Variants in LHX9 observed in about 807,000 individuals in gnomAD.
LHX9 encodes LIM homeobox 9.
In LHX9, 9 loss-of-function variants were observed where a neutral mutation model predicts 36.5. The observed-to-expected ratio is 0.25, with a 90% CI of 0.15 to 0.43. The LOEUF (loss-of-function observed/expected upper bound fraction) is 0.43, where lower values mean the gene tolerates loss of function less well. Among genes scored for constraint, LHX9 ranks in the 20% least tolerant of loss-of-function variants. LHX9 has a pLI of 1.00. For missense variants in LHX9, 464 were observed against 526.4 expected, an observed-to-expected ratio of 0.88 and a Z score of 1.16; for synonymous variants, 211 against 212.1, an observed-to-expected ratio of 0.99 and a Z score of 0.04.
chr1:197,917,962 C>G lies in LHX9; in HGVS notation c.139C>G (p.Leu47Val). The change falls in exon 1 of 5, where the codon CTG becomes GTG. Residue 47 changes from leucine (L) to valine (V), a missense_variant. Physicochemically the swap from Leu to Val is conservative, Grantham distance 32. This residue lies in a region of LHX9 where 119 missense variants were observed against 102.4 expected (regional missense o/e 1.16). Coordinates refer to ENST00000367387, the MANE Select transcript of LHX9 (RefSeq NM_020204.3). ...MERRSKTEAR[L>V]AKGAQLNGRD... ...GCGCAGATCCAAGACTGAGGCCCGT[C>G]TGGCCAAAGGCGCCCAGCTCAACGG... 1 of 1,614,074 alleles carries G rather than the reference C, an allele frequency of 6.2e-7. No individual in the cohort carries two copies. Among genetic ancestry groups the G allele is most frequent in the South Asian group, 1.1e-5 (1 of 91,066 alleles).
chr1:197,917,039 C>T (rs1659779422), upstream of LHX9, among the ~76,000 whole-genome samples: 1 of 151,930 alleles, frequency 6.6e-6, no homozygotes, highest in African/African-American at 2.4e-5. Flanking sequence ...GCGGGGACAA[C>T]AAGAGCTCCT....
upstream of LHX9, chr1:197,912,874 G>C: frequency 2.4e-6 from 1 of 425,300 alleles, no homozygotes. Context: ...CTCCAGGGAC[G>C]CGCTCCTGAC....
At chr1:197,912,633 G>A (rs1483927471), upstream of LHX9, 6 of 1,424,912 alleles carry the variant, frequency 4.2e-6, no homozygotes, top group African/African-American at 8.4e-5. Context: ...GAGTGTGTGT[G>A]CGTGTGTGTG....
chr1:197,925,520 C>T (rs1660117595), intron 3 of LHX9, among the ~76,000 whole-genome samples: 1 of 32,850 alleles, frequency 3.0e-5, no homozygotes, highest in African/African-American at 6.2e-5. Context: ...TAACATGTGC[C>T]CCTTTGACTA....
Position 197,930,115 on chromosome 1 carries a change from T to C in LHX9, c.*856T>C, listed in dbSNP as rs557483717. The C allele has an allele frequency of 5.5e-6, 5 of 908,372 alleles. No individual in the cohort carries two copies. In the African/African-American group the frequency reaches 9.0e-5, roughly 16 times the overall value. The allele number at this position is 908,372 out of a possible 1,614,324, so 56.3% of individuals were successfully genotyped here. A position where few individuals can be genotyped will look rare whatever the true frequency, so the allele number is the denominator to read the frequency against. On this transcript the variant is annotated 3_prime_UTR_variant, in exon 5 of 5. Transcript: ENST00000367387. ...AAATGGAAATAAGCAAAATATAATG[T>C]TTTAAGAAGTAAAAAAATCAATATA... is the stretch of plus-strand genomic sequence containing the variant.
At chr1:197,926,450 G>T (rs1292621113) in intron 3 of LHX9, among the ~76,000 whole-genome samples, 1 of 152,196 alleles carries the variant, frequency 6.6e-6, no homozygotes, top group African/African-American at 2.4e-5. Flanking sequence ...GTTGGCTGAA[G>T]TTGGTTGTGT....
At chr1:197,912,771 C>T (rs974295869), upstream of LHX9, 35 of 619,576 alleles carry the variant, frequency 5.6e-5, no homozygotes, top group Non-Finnish European at 8.1e-5. Flanking sequence ...CTCCTTTTGC[C>T]TTTCTCTTTG....
upstream of LHX9, chr1:197,913,265 G>A (rs1048575520): frequency 6.6e-6 from 1 of 152,554 alleles, no homozygotes; most frequent in Non-Finnish European, 1.5e-5. Context: ...CGAAGGGTGA[G>A]GGTAGGCAGA....
Position 197,932,001 on chromosome 1 carries a change from G to T in LHX9, c.*2742G>T. On this transcript the variant is annotated 3_prime_UTR_variant, in exon 5 of 5. Coordinates refer to ENST00000367387, the MANE Select transcript of LHX9 (RefSeq NM_020204.3). The stretch of plus-strand genomic sequence containing the variant: ...AGTATTAAAAGAAGGGGAAAAGTTT[G>T]ATCGGAAATCCACTGCAGTGAAGAC... 1 of 1,524,792 alleles carries T rather than the reference G, an allele frequency of 6.6e-7. No individual in the cohort carries two copies. Among genetic ancestry groups the T allele is most frequent in the Non-Finnish European group, 8.9e-7 (1 of 1,125,072 alleles). 94.5% of individuals were successfully genotyped at this position (1,524,792 alleles called of 1,614,324 possible).
chr1:197,918,379 C>T (rs752843722), intron 1 of LHX9: 2 of 717,152 alleles, frequency 2.8e-6, no homozygotes. Context: ...AGGAGGACGG[C>T]GCGCTGCCGA....
rs545094699 is a variant in LHX9 at position 197,934,975 on chromosome 1, G to T, written c.*5716G>T. The T allele has an allele frequency of 3.3e-5, 5 of 152,088 alleles. No individual in the cohort carries two copies. The highest frequency in any genetic ancestry group is 7.2e-5 in the African/African-American group (3 of 41,496). 9.4% of individuals were successfully genotyped at this position (152,088 alleles called of 1,614,324 possible). A position where few individuals can be genotyped will look rare whatever the true frequency, so the allele number is the denominator to read the frequency against. On this transcript the variant is annotated 3_prime_UTR_variant, in exon 5 of 5. Coordinates refer to ENST00000367387, the MANE Select transcript of LHX9 (RefSeq NM_020204.3). ...ATTTTATGAGGTTCCCTGGCAGTTG[G>T]GGGGGTGGTGAGGTTGGGAGAGGGA...
At chr1:197,913,867 C>T (rs984134269), upstream of LHX9, among the ~76,000 whole-genome samples, 3 of 152,218 alleles carry the variant, frequency 2.0e-5, no homozygotes, top group Admixed American at 6.5e-5. Flanking sequence ...CTTAAGTCAC[C>T]TTTGCTCTCA....
chr1:197,914,329 G>GA (rs760256791), upstream of LHX9, among the ~76,000 whole-genome samples: 1 of 151,738 alleles, frequency 6.6e-6, no homozygotes. Flanking sequence ...CTCAGGAACT[G>GA]AAAAAATGAA....
chr1:197,926,320 G>T (rs1466498463), intron 3 of LHX9, among the ~76,000 whole-genome samples: 1 of 152,182 alleles, frequency 6.6e-6, no homozygotes. Flanking sequence ...ACATGATCAG[G>T]TTGGTTTTAG....
Position 197,921,590 on chromosome 1 carries a change from G to C in LHX9, c.664G>C (p.Val222Leu). Residue 222 changes from valine (V) to leucine (L), a missense_variant, in exon 3 of 5, where the codon GTG (valine) becomes CTG (leucine). Around this residue, in one of 5 missense-constraint regions of LHX9, gnomAD observed 130 missense variants for 109.6 expected, o/e 1.19. Coordinates refer to ENST00000367387, the MANE Select transcript of LHX9 (RefSeq NM_020204.3). The surrounding 1 kb of genome is among the most constrained non-coding windows in gnomAD (Gnocchi z 4.6). The stretch of plus-strand genomic sequence containing the variant: ...GCCTTACTTCAACGGTACGGGCACC[G>C]TGCAGAAAGGGCGGCCCCGGAAGCG... ...ALPYFNGTGT[V>L]QKGRPRKRKS... is the part of the protein sequence containing the mutation. 6.2e-7 allele frequency: 1 copy of C among 1,609,944 alleles called. No homozygotes were observed. The highest frequency in any genetic ancestry group is 1.1e-5 in the South Asian group (1 of 91,052).
At chr1:197,914,489 T>G (rs1659695162), upstream of LHX9, among the ~76,000 whole-genome samples, 1 of 152,186 alleles carries the variant, frequency 6.6e-6, no homozygotes, top group South Asian at 2.1e-4. Context: ...TTTCCTTATT[T>G]AAAGTGCTTA....
upstream of LHX9, chr1:197,917,368 G>A (rs1175528993): frequency 1.5e-6 from 2 of 1,302,044 alleles, no homozygotes; most frequent in Non-Finnish European, 2.0e-6. Context: ...GCTCAGGCAG[G>A]AGCAGTCCCC....
intron 4 of LHX9, among the ~76,000 whole-genome samples, chr1:197,928,636 T>TTCTCAAAAGATAACAGTTGAGGA (rs1660219865): frequency 6.6e-6 from 1 of 152,190 alleles, no homozygotes; most frequent in Non-Finnish European, 1.5e-5. Context: ...CTTCTACCTC[T>TTCTCAAAAGATAACAGTTGAGGA]TCTCAAAAGA....
chr1:197,928,772 C>T (rs1660223308), intron 4 of LHX9, among the ~76,000 whole-genome samples: 2 of 150,674 alleles, frequency 1.3e-5, no homozygotes, highest in African/African-American at 2.4e-5. Flanking sequence ...GGAATAAGTG[C>T]AGTTGAGAGA....
Sources: allele counts gnomAD v4.1 joint callset (sites outside exome capture counted in the v4.1 genomes callset), GRCh38; gene constraint gnomAD v4.1.1; regional missense constraint gnomAD v4.1.1; non-coding constraint Gnocchi (gnomAD v3.1); transcripts MANE v1.5; gene names NCBI Gene and HGNC (gene_info 2026-07-23, HGNC 2026-07-21).